Variants in B4GALT4 observed in about 807,000 individuals in gnomAD.
The protein encoded by B4GALT4 is beta-1,4-galactosyltransferase 4.
In B4GALT4, 27 loss-of-function variants were observed where a neutral mutation model predicts 37.3. The observed-to-expected ratio is 0.72, with a 90% CI of 0.53 to 1.00. The LOEUF is 1.00. Ranked by LOEUF, B4GALT4 falls within the 50% of genes least tolerant of loss-of-function variation. The probability of loss-of-function intolerance (pLI) is 0.00; values close to 1 mark genes in which losing one functional copy is unlikely to be tolerated. For missense variants in B4GALT4, 372 were observed against 413.1 expected, an observed-to-expected ratio of 0.90 and a Z score of 0.86; for synonymous variants, 148 against 154.1, an observed-to-expected ratio of 0.96 and a Z score of 0.29.
At chr3:119,217,573 G>A (rs1559914877) in intron 6 of B4GALT4, among the ~76,000 whole-genome samples, 1 of 152,174 alleles carries the variant, frequency 6.6e-6, no homozygotes, top group African/African-American at 2.4e-5. Context: ...AGGCACAGTG[G>A]CTCACACCTG....
chr3:119,219,539 C>T (rs988898701), intron 5 of B4GALT4, among the ~76,000 whole-genome samples: 1 of 152,230 alleles, frequency 6.6e-6, no homozygotes, highest in African/African-American at 2.4e-5. Flanking sequence ...GGAACGACTA[C>T]AGATATGGCT....
chr3:119,218,865 T>G (rs781502380), intron 5 of B4GALT4, 93 bp from the exon 6 acceptor site: 35 of 1,481,380 alleles, frequency 2.4e-5, no homozygotes, highest in Non-Finnish European at 2.9e-5. Context: ...TGGGAGACCA[T>G]GTACTTCCAC....
chr3:119,240,634 G>A (rs1007711981), intron 1 of B4GALT4: 2 of 152,176 alleles, frequency 1.3e-5, no homozygotes, highest in African/African-American at 4.8e-5. Context: ...CAGCACCTGA[G>A]CCGGTGCCTC....
At chr3:119,223,780 C>CA (rs1452066330) in intron 5 of B4GALT4, among the ~76,000 whole-genome samples, 1 of 152,200 alleles carries the variant, frequency 6.6e-6, no homozygotes, top group Non-Finnish European at 1.5e-5. Flanking sequence ...AGCCCCCCGA[C>CA]AGGGGCGCTG....
Position 119,224,262 on chromosome 3 carries a change from T to A in B4GALT4, c.487-17A>T. Reference sequence around the variant, plus strand: ...ACCTTCAGCCTAGAGATATGAAAATTAAAACTTGAAAAGCTCCTGAGATAA... The same window carrying A: ...ACCTTCAGCCTAGAGATATGAAAATAAAAACTTGAAAAGCTCCTGAGATAA... On this transcript the variant is annotated splice_polypyrimidine_tract_variant and intron_variant, in intron 4 of 7. Coordinates refer to ENST00000393765, the MANE Select transcript of B4GALT4 (RefSeq NM_003778.4). The A allele has an allele frequency of 6.4e-7, 1 of 1,563,996 alleles. No individual in the cohort carries two copies. Among genetic ancestry groups the A allele is most frequent in the Non-Finnish European group, 8.6e-7 (1 of 1,158,278 alleles).
intron 1 of B4GALT4, chr3:119,240,104 ACCG>A (rs1324006968): frequency 6.6e-6 from 1 of 151,484 alleles, no homozygotes; most frequent in Non-Finnish European, 1.5e-5. Context: ...TACCCTCACC[ACCG>A]CCACGTCCCC....
chr3:119,218,608 G>A (rs181857121), intron 6 of B4GALT4, 42 bp downstream of exon 6: 161 of 1,612,728 alleles, frequency 1.0e-4, no homozygotes, highest in African/African-American at 8.4e-4. Flanking sequence ...GAGCCACACT[G>A]AGTGCAGAGC....
intron 7 of B4GALT4, 155 bp from the exon 8 acceptor site, chr3:119,212,836 G>A: frequency 1.4e-6 from 1 of 699,150 alleles, no homozygotes; most frequent in Non-Finnish European, 2.3e-6. Context: ...CATTGAAGGT[G>A]ACAGACATGA....
At chr3:119,234,927 C>T (rs2078940979) in intron 2 of B4GALT4, 1 of 152,190 alleles carries the variant, frequency 6.6e-6, no homozygotes, top group South Asian at 2.1e-4. Flanking sequence ...CTCAATTCAA[C>T]CAGTCTTTTT....
At chr3:119,231,756 A>G (rs1045048273) in intron 2 of B4GALT4, among the ~76,000 whole-genome samples, 1 of 142,210 alleles carries the variant, frequency 7.0e-6, no homozygotes, top group African/African-American at 2.6e-5. Context: ...TATTTTATAA[A>G]TTTTATTTTA....
chr3:119,237,021 C>T lies in B4GALT4; in HGVS notation c.-314G>A, dbSNP rs2079003931. ...CCGTGGCACATTGGAACACAGTGTA[C>T]CCGCCTCTGGGCAAGAGCCGTGGAA... On this transcript the variant is annotated 5_prime_UTR_variant, in exon 2 of 8. Coordinates refer to ENST00000393765, the MANE Select transcript of B4GALT4 (RefSeq NM_003778.4). 1 of 152,206 alleles carries T rather than the reference C, an allele frequency of 6.6e-6. No individual in the cohort carries two copies. Among genetic ancestry groups the T allele is most frequent in the Non-Finnish European group, 1.5e-5 (1 of 68,046 alleles). 9.4% of individuals were successfully genotyped at this position (152,206 alleles called of 1,614,324 possible).
chr3:119,234,844 C>T (rs12492305), intron 2 of B4GALT4, among the ~76,000 whole-genome samples: 9,128 of 152,286 alleles, frequency 0.06, 350 homozygotes, highest in South Asian at 0.13. Flanking sequence ...AGATTTACCA[C>T]TCTTTTCCTT....
In B4GALT4 at chr3:119,212,660, C is replaced by T. The variant is rs1481593285; in HGVS notation, c.924G>A (p.Val308=). 6.2e-7 allele frequency: 1 copy of T among 1,607,920 alleles called. No homozygotes were observed. The highest frequency in any genetic ancestry group is 2.2e-5 in the East Asian group (1 of 44,820). Residue 308 remains valine (V), a synonymous_variant, in exon 8 of 8, where the codon GTG becomes GTA. Coordinates refer to ENST00000393765, the MANE Select transcript of B4GALT4 (RefSeq NM_003778.4). ...NAERMKLLHQ[V]SRVWRTDGLS... ...ACCCATCTGTTCTCCAGACTCGTGACACTTGGTGTAAGAGCTTCATCCTAA... is the reference window on the plus strand; with the variant it reads ...ACCCATCTGTTCTCCAGACTCGTGATACTTGGTGTAAGAGCTTCATCCTAA...
Position 119,224,213 on chromosome 3 carries a change from G to A in B4GALT4, c.519C>T (p.Leu173=), listed in dbSNP as rs116695744. 1,699 of 1,610,852 alleles carry A rather than the reference G, an allele frequency of 1.1e-3. 10 individuals carry two copies. The African/African-American group carries it at 0.017, about 16-fold the overall frequency. The change falls in exon 5 of 8, where the codon CTC becomes CTT. Residue 173 remains leucine, a synonymous_variant. Transcript: ENST00000393765. ...GGGCTTCTAGATAGCCCACATTCAA[G>A]AGTTTGGCTCGATTAAACTTTTTAC... is the stretch of plus-strand genomic sequence containing the variant. The part of the protein sequence containing the change: ...AEGKKFNRAK[L]LNVGYLEALK...
Position 119,212,123 on chromosome 3 carries a change from T to G in B4GALT4, c.*426A>C, listed in dbSNP as rs1242051733. The G allele has an allele frequency of 1.4e-6, 1 of 703,020 alleles. No individual in the cohort carries two copies. 43.5% of individuals were successfully genotyped at this position (703,020 alleles called of 1,614,324 possible). A position where few individuals can be genotyped will look rare whatever the true frequency, so the allele number is the denominator to read the frequency against. ...GTACAGGATAAATGAATAACAGTATTGTATCTTCGTACCTTTCTACCTTGG... is the reference window on the plus strand; with the variant it reads ...GTACAGGATAAATGAATAACAGTATGGTATCTTCGTACCTTTCTACCTTGG... On this transcript the variant is annotated 3_prime_UTR_variant, in exon 8 of 8. Transcript: ENST00000393765.
intron 2 of B4GALT4, among the ~76,000 whole-genome samples, chr3:119,234,870 C>T (rs892423460): frequency 6.6e-6 from 1 of 152,116 alleles, no homozygotes; most frequent in African/African-American, 2.4e-5. Context: ...AAGTCTGCCC[C>T]GTAGTTAGTT....
At chr3:119,232,402 G>C (rs1195080843) in intron 2 of B4GALT4, 2 of 152,176 alleles carry the variant, frequency 1.3e-5, no homozygotes, top group Non-Finnish European at 2.9e-5. Context: ...GGAAGGTTTG[G>C]AGAGATTTAA....
Position 119,218,660 on chromosome 3 carries a change from G to T in B4GALT4, c.787C>A (p.Leu263Ile). Residue 263 changes from leucine (L) to isoleucine (I), a missense_variant, in exon 6 of 8, where the codon CTC (leucine) becomes ATC (isoleucine). Coordinates refer to ENST00000393765, the MANE Select transcript of B4GALT4 (RefSeq NM_003778.4). ...YWGWGGEDDD[L>I]RLRVELQRMK... Reference sequence around the variant, plus strand: ...TTCTCTGTTGTTCACCTGAGTCTGAGGTCATCGTCTTCGCCTCCCCATCCC... The same window carrying T: ...TTCTCTGTTGTTCACCTGAGTCTGATGTCATCGTCTTCGCCTCCCCATCCC... 1 of 1,614,168 alleles carries T rather than the reference G, an allele frequency of 6.2e-7. No individual in the cohort carries two copies.
intron 5 of B4GALT4, among the ~76,000 whole-genome samples, chr3:119,222,059 A>G (rs2078466309): frequency 6.6e-6 from 1 of 152,138 alleles, no homozygotes. Context: ...AGAAAGATAA[A>G]ATCTAGAATC....
Sources: gnomAD v4.1 joint callset for allele counts (sites outside exome capture counted in the v4.1 genomes callset) on GRCh38, gnomAD v4.1.1 for gene constraint, MANE v1.5 for transcripts, NCBI Gene and HGNC (gene_info 2026-07-23, HGNC 2026-07-21) for gene names.